Variants in GSN observed in about 807,000 individuals in gnomAD.
GSN encodes the protein actin-depolymerizing factor.
A neutral mutation model predicts 85.7 loss-of-function variants in GSN; 56 were observed. The ratio of observed to expected loss-of-function variants is 0.65; its 90% CI spans 0.53 to 0.82. The LOEUF (loss-of-function observed/expected upper bound fraction) is 0.82. Ranked by LOEUF, GSN falls within the 40% of genes least tolerant of loss-of-function variation. The probability of loss-of-function intolerance (pLI) is 0.00; values close to 1 mark genes in which losing one functional copy is unlikely to be tolerated. For synonymous variants in GSN, 373 were observed against 399.1 expected (o/e 0.93, Z 0.78); for missense variants, 857 against 979.8 (o/e 0.87, Z 1.67).
chr9:121,327,979 A>AGAAG (rs966054948), intron 14 of GSN, among the ~76,000 whole-genome samples: 3 of 151,996 alleles, frequency 2.0e-5, no homozygotes, highest in Non-Finnish European at 4.4e-5. Context: ...TGTCTCAAAA[A>AGAAG]GAAGAAAGAA....
intron 2 of GSN, among the ~76,000 whole-genome samples, chr9:121,295,079 G>A (rs192946054): frequency 1.3e-5 from 2 of 152,252 alleles, no homozygotes; most frequent in Non-Finnish European, 2.9e-5. Flanking sequence ...ATCACATACC[G>A]AAGGCAGGCG....
intron 1 of GSN, among the ~76,000 whole-genome samples, chr9:121,270,785 G>A (rs553944489): frequency 1.2e-4 from 18 of 152,230 alleles, no homozygotes; most frequent in South Asian, 4.1e-4. Flanking sequence ...AATAGTTTGG[G>A]TCATTTGTGA....
intron 1 of GSN, among the ~76,000 whole-genome samples, chr9:121,274,973 G>A (rs1390521282): frequency 6.6e-6 from 1 of 152,214 alleles, no homozygotes; most frequent in Non-Finnish European, 1.5e-5. Context: ...TCTGTGTCAT[G>A]CTAAATTTTG....
chr9:121,275,547 A>G (rs565496192), intron 1 of GSN, among the ~76,000 whole-genome samples: 4 of 152,262 alleles, frequency 2.6e-5, no homozygotes, highest in Admixed American at 2.6e-4. Context: ...GTCCAAAGGA[A>G]CTGTATCGTT....
intron 12 of GSN, among the ~76,000 whole-genome samples, chr9:121,325,907 G>A (rs535315365): frequency 1.9e-4 from 29 of 152,176 alleles, no homozygotes; most frequent in Middle Eastern, 3.4e-3. Context: ...GTGGTGGGTC[G>A]TGGTGGGAAG....
rs891734906 is a variant in GSN, at chr9:121,321,295, G to A, written c.1219G>A (p.Val407Met). ...CTGGAGAATCGAAGGTTCCAACAAG[G>A]TGCCCGTGGACCCTGCCACATATGG... is the stretch of plus-strand genomic sequence containing the variant. ...QIWRIEGSNK[V>M]PVDPATYGQF... Residue 407 changes from valine to methionine, a missense_variant, in exon 11 of 18, where the codon GTG becomes ATG. Val to Met is a conservative substitution (Grantham distance 21). Coordinates refer to ENST00000432226, the MANE Select transcript of GSN (RefSeq NM_198252.3). 9 of 1,613,898 alleles carry A rather than the reference G, an allele frequency of 5.6e-6. No individual in the cohort carries two copies. Among genetic ancestry groups the A allele is most frequent in the Non-Finnish European group, 7.6e-6 (9 of 1,179,898 alleles).
At chr9:121,235,738 G>A (rs1179616818) in intron 5 of GSN, among the ~76,000 whole-genome samples, 1 of 152,156 alleles carries the variant, frequency 6.6e-6, no homozygotes, top group African/African-American at 2.4e-5. Context: ...GAAATGACAC[G>A]TGACTCCCAC....
At chr9:121,237,852 C>A (rs1357394070) in intron 5 of GSN, among the ~76,000 whole-genome samples, 1 of 152,212 alleles carries the variant, frequency 6.6e-6, no homozygotes, top group Non-Finnish European at 1.5e-5. Context: ...ATGCAAACAT[C>A]AATAAGAAAA....
At chr9:121,207,227 T>G (rs2053896160), upstream of GSN, among the ~76,000 whole-genome samples, 1 of 152,132 alleles carries the variant, frequency 6.6e-6, no homozygotes, top group Non-Finnish European at 1.5e-5. Context: ...GCCTGCCAGT[T>G]TCATGGATAC....
At chr9:121,249,985 G>A (rs1425477989) in intron 6 of GSN, among the ~76,000 whole-genome samples, 1 of 152,178 alleles carries the variant, frequency 6.6e-6, no homozygotes, top group Admixed American at 6.5e-5. Context: ...GATGAGAGAA[G>A]AAAGAGGGCT....
At chr9:121,232,633 A>G (rs1305114779) in intron 5 of GSN, among the ~76,000 whole-genome samples, 14 of 152,240 alleles carry the variant, frequency 9.2e-5, no homozygotes, top group Non-Finnish European at 4.4e-5. Flanking sequence ...ATCATCGACT[A>G]TAGATGTAAT....
chr9:121,211,632 G>A (rs1264203433), intron 4 of GSN, among the ~76,000 whole-genome samples: 1 of 152,190 alleles, frequency 6.6e-6, no homozygotes, highest in African/African-American at 2.4e-5. Flanking sequence ...AACCAGCGGT[G>A]TGACCTTGGC....
At chr9:121,253,375 G>T (rs762353713) in intron 6 of GSN, among the ~76,000 whole-genome samples, 1 of 152,160 alleles carries the variant, frequency 6.6e-6, no homozygotes, top group Non-Finnish European at 1.5e-5. Flanking sequence ...CTCTCAGGAG[G>T]GTTTGAGCTT....
chr9:121,305,498 G>A (rs531186862), intron 4 of GSN, among the ~76,000 whole-genome samples: 31 of 152,316 alleles, frequency 2.0e-4, no homozygotes, highest in Non-Finnish European at 3.5e-4. Flanking sequence ...ACTTTTCCAA[G>A]GTCACACAGC....
At chr9:121,270,811 T>C (rs757771043) in intron 1 of GSN, among the ~76,000 whole-genome samples, 1 of 152,134 alleles carries the variant, frequency 6.6e-6, no homozygotes, top group Non-Finnish European at 1.5e-5. Flanking sequence ...GTCATAGAGA[T>C]GATTTCTGCT....
intron 2 of GSN, among the ~76,000 whole-genome samples, chr9:121,289,688 G>A (rs1412487547): frequency 6.6e-6 from 1 of 152,180 alleles, no homozygotes; most frequent in South Asian, 2.1e-4. Flanking sequence ...GAGAGGCAAA[G>A]AACTTGCCTA....
intron 4 of GSN, among the ~76,000 whole-genome samples, chr9:121,228,701 A>G (rs2054326854): frequency 6.6e-6 from 1 of 152,100 alleles, no homozygotes; most frequent in African/African-American, 2.4e-5. Flanking sequence ...CTGGGATTAC[A>G]GGCAAGAGCC....
intron 5 of GSN, among the ~76,000 whole-genome samples, chr9:121,244,788 C>T (rs2132214501): frequency 6.6e-6 from 1 of 152,140 alleles, no homozygotes; most frequent in South Asian, 2.1e-4. Flanking sequence ...GTGTGATCTC[C>T]AGGATATATT....
At chr9:121,219,499 A>T (rs2132104464) in intron 4 of GSN, among the ~76,000 whole-genome samples, 1 of 152,090 alleles carries the variant, frequency 6.6e-6, no homozygotes, top group East Asian at 1.9e-4. Context: ...GTTTTATATG[A>T]CTAGCAAAAG....
Sources: gnomAD v4.1 joint callset for allele counts (sites outside exome capture counted in the v4.1 genomes callset) on GRCh38, gnomAD v4.1.1 for gene constraint, MANE v1.5 for transcripts, NCBI Gene and HGNC (gene_info 2026-07-23, HGNC 2026-07-21) for gene names.